Variants in DOCK10 observed in about 807,000 individuals in gnomAD.
DOCK10 encodes the protein dedicator of cytokinesis 10.
Under a neutral mutation model 280.1 loss-of-function variants are expected in DOCK10, and 145 were observed. The observed-to-expected ratio is 0.52, with a 90% CI of 0.45 to 0.59. The LOEUF is 0.59. DOCK10 is among the 20% of genes least tolerant of loss of function. DOCK10 has a pLI of 0.00. For missense variants in DOCK10, 2,368 were observed against 2,651.7 expected (o/e 0.89, Z 2.35); for synonymous variants, 915 against 942.2 (o/e 0.97, Z 0.53).
intron 4 of DOCK10, among the ~76,000 whole-genome samples, chr2:224,890,296 G>A (rs1043679842): frequency 2.0e-5 from 3 of 152,106 alleles, no homozygotes; most frequent in Admixed American, 6.5e-5. Context: ...GTAAATTTCC[G>A]CAAGATACTT....
intron 7 of DOCK10, among the ~76,000 whole-genome samples, chr2:224,880,664 A>C (rs1698926569): frequency 6.6e-6 from 1 of 152,128 alleles, no homozygotes; most frequent in Admixed American, 6.5e-5. Flanking sequence ...TATTGTCATG[A>C]TATGTTTAGT....
At chr2:224,797,554 T>A (rs1246931150) in intron 42 of DOCK10, among the ~76,000 whole-genome samples, 1 of 152,072 alleles carries the variant, frequency 6.6e-6, no homozygotes, top group Non-Finnish European at 1.5e-5. Flanking sequence ...AGGGGTGCAT[T>A]TTACCTAACT....
In DOCK10 at chr2:224,839,949, G is replaced by A. The variant is rs768479890; in HGVS notation, c.2780+5C>T. The A allele has an allele frequency of 1.2e-5, 17 of 1,376,810 alleles. No individual in the cohort carries two copies. Among genetic ancestry groups the A allele is most frequent in the Non-Finnish European group, 1.0e-6 (1 of 994,348 alleles). 85.3% of individuals were successfully genotyped at this position (1,376,810 alleles called of 1,614,324 possible). ...TCTCTCCTCTTAAGGTTGTGTTATGGATACCTGGTGACAGTTGTAGTTATT... is the reference window on the plus strand; with the variant it reads ...TCTCTCCTCTTAAGGTTGTGTTATGAATACCTGGTGACAGTTGTAGTTATT... On this transcript the variant is annotated splice_donor_5th_base_variant and intron_variant, in intron 24 of 55. Transcript: ENST00000258390.
In DOCK10 at chr2:224,881,378, C is replaced by T. The variant is rs186191487; in HGVS notation, c.747+4293G>A. Among the ~76,000 whole-genome samples, 13 of 152,234 alleles carry T rather than the reference C, an allele frequency of 8.5e-5. No homozygotes were observed. The East Asian group carries it at 2.3e-3, about 27-fold the overall frequency. On this transcript the variant is annotated intron_variant, in intron 7 of 55. Transcript: ENST00000258390. ...CACATTGCAAGTTTTCCAATATATA[C>T]TAGTATTTGCTGAAATGAATCCCAT... is the stretch of plus-strand genomic sequence containing the variant.
chr2:225,019,875 T>C (rs112171176), intron 1 of DOCK10, among the ~76,000 whole-genome samples: 396 of 152,310 alleles, frequency 2.6e-3, no homozygotes, highest in African/African-American at 8.9e-3. Context: ...TAAGGCAAAT[T>C]CCCATGCTTT....
At chr2:224,942,510 A>G (rs943963148) in intron 1 of DOCK10, among the ~76,000 whole-genome samples, 2 of 152,188 alleles carry the variant, frequency 1.3e-5, no homozygotes, top group African/African-American at 4.8e-5. Context: ...TGCTTCTTTC[A>G]GCTAACTGGC....
At chr2:225,022,584 A>C (rs1689810301) in intron 1 of DOCK10, among the ~76,000 whole-genome samples, 2 of 152,314 alleles carry the variant, frequency 1.3e-5, no homozygotes, top group South Asian at 2.1e-4. Flanking sequence ...ACAAGAACAA[A>C]AACCTTCTAA....
intron 1 of DOCK10, among the ~76,000 whole-genome samples, chr2:224,957,291 C>CG (rs1553622561): frequency 1.0e-4 from 15 of 146,188 alleles, no homozygotes; most frequent in African/African-American, 2.4e-4. Context: ...TTCCGCCCCC[C>CG]CCCGGCTTTG....
intron 1 of DOCK10, among the ~76,000 whole-genome samples, chr2:224,932,203 A>G (rs1702425305): frequency 6.6e-6 from 1 of 152,178 alleles, no homozygotes; most frequent in Non-Finnish European, 1.5e-5. Context: ...GTCTCTACAG[A>G]GACAAGCTAG....
At chr2:224,798,826 G>A (rs565193024) in intron 41 of DOCK10, among the ~76,000 whole-genome samples, 1 of 151,952 alleles carries the variant, frequency 6.6e-6, no homozygotes, top group Admixed American at 6.6e-5. Context: ...TAAAGATGAA[G>A]CTTCACTATA....
chr2:224,874,645 G>T, intron 9 of DOCK10, 21 bp downstream of exon 9: 4 of 1,606,862 alleles, frequency 2.5e-6, no homozygotes, highest in Non-Finnish European at 3.4e-6. Flanking sequence ...GGTTTTGCAA[G>T]TACAATGCCA....
At chr2:224,830,400 C>T (rs1695149022) in intron 27 of DOCK10, 141 bp downstream of exon 27, 3 of 436,198 alleles carry the variant, frequency 6.9e-6, no homozygotes, top group Non-Finnish European at 1.2e-5. Context: ...ACAATCATTT[C>T]TTCTACTTAT....
At chr2:224,959,438 T>A in intron 1 of DOCK10, among the ~76,000 whole-genome samples, 1 of 23,012 alleles carries the variant, frequency 4.3e-5, no homozygotes, top group East Asian at 6.7e-4. Context: ...TATTATTTTC[T>A]TTTTTTTTTT....
At chr2:224,937,916 G>C (rs1282232906) in intron 1 of DOCK10, among the ~76,000 whole-genome samples, 2 of 152,188 alleles carry the variant, frequency 1.3e-5, no homozygotes, top group African/African-American at 4.8e-5. Flanking sequence ...TACAAAGTGA[G>C]CTTGTCGGCA....
chr2:224,950,748 C>T (rs988302322), intron 1 of DOCK10, among the ~76,000 whole-genome samples: 3 of 152,040 alleles, frequency 2.0e-5, no homozygotes, highest in South Asian at 2.1e-4. Flanking sequence ...GGACTGGAGA[C>T]GTGGAGCAGA....
chr2:224,867,632 G>C (rs1452562753), intron 11 of DOCK10, among the ~76,000 whole-genome samples: 3 of 152,220 alleles, frequency 2.0e-5, no homozygotes, highest in Admixed American at 2.0e-4. Context: ...GGATTTCTAG[G>C]TAGGGTGTGT....
chr2:225,020,653 C>G (rs74817057), intron 1 of DOCK10, among the ~76,000 whole-genome samples: 2 of 152,184 alleles, frequency 1.3e-5, no homozygotes, highest in South Asian at 2.1e-4. Flanking sequence ...TGAGATGATG[C>G]AATTTTCTAA....
chr2:224,996,521 GA>G (rs1323654447), intron 1 of DOCK10, among the ~76,000 whole-genome samples: 2 of 152,190 alleles, frequency 1.3e-5, no homozygotes, highest in East Asian at 3.8e-4. Context: ...AGAACCCTTT[GA>G]AAGTGAGAGG....
intron 4 of DOCK10, among the ~76,000 whole-genome samples, chr2:224,889,696 C>T (rs1053322668): frequency 1.3e-5 from 2 of 152,200 alleles, no homozygotes; most frequent in Non-Finnish European, 2.9e-5. Context: ...TAGCAGAAGA[C>T]AGAGTTCTTT....
Sources: gnomAD v4.1 joint callset for allele counts (sites outside exome capture counted in the v4.1 genomes callset) on GRCh38, gnomAD v4.1.1 for gene constraint, MANE v1.5 for transcripts, NCBI Gene and HGNC (gene_info 2026-07-23, HGNC 2026-07-21) for gene names.